Variants in MYOZ3 observed in about 807,000 individuals in gnomAD.
The protein encoded by MYOZ3 is myozenin 3.
MYOZ3 carries 19 observed loss-of-function variants against 26.5 expected under a neutral mutation model. The ratio of observed to expected loss-of-function variants is 0.72; its 90% CI spans 0.50 to 1.05. MYOZ3 has a LOEUF of 1.05. MYOZ3 is among the 50% of genes least tolerant of loss of function. The pLI, the probability that MYOZ3 is intolerant of heterozygous loss-of-function variation, is 0.00. For synonymous variants in MYOZ3, 135 were observed against 138.8 expected (o/e 0.97, Z 0.19); for missense variants, 322 against 337.1 (o/e 0.96, Z 0.35).
intron 2 of MYOZ3, 98 bp downstream of exon 2, chr5:150,663,100 C>G (rs1235856363): frequency 2.0e-6 from 2 of 1,006,022 alleles, no homozygotes; most frequent in Non-Finnish European, 2.9e-6. Flanking sequence ...CCTGGGCAGA[C>G]AGGTGTGAGC....
intron 3 of MYOZ3, 83 bp from the exon 4 acceptor site, chr5:150,671,514 A>G: frequency 1.4e-6 from 2 of 1,449,366 alleles, no homozygotes; most frequent in Non-Finnish European, 1.9e-6. Context: ...CCTCCCCCCG[A>G]CCTTTTTTTT....
intron 2 of MYOZ3, among the ~76,000 whole-genome samples, chr5:150,667,646 A>C (rs1758830141): frequency 1.3e-5 from 2 of 152,188 alleles, no homozygotes; most frequent in Admixed American, 6.5e-5. Flanking sequence ...ACAAACAAAC[A>C]AACCCCTCTT....
intron 5 of MYOZ3, 167 bp from the exon 6 acceptor site, chr5:150,672,173 A>AG (rs1758926413): frequency 1.8e-6 from 2 of 1,092,620 alleles, no homozygotes; most frequent in Admixed American, 4.0e-5. Context: ...TGGGATGGGG[A>AG]GGGGTCTCCT....
At chr5:150,661,464 G>C (rs541636109) in intron 1 of MYOZ3, 37 bp downstream of exon 1, 1 of 152,522 alleles carries the variant, frequency 6.6e-6, no homozygotes, top group South Asian at 2.1e-4. Flanking sequence ...GAACTCAGGG[G>C]AGTGGGCAGA....
At chr5:150,675,412 G>T (rs1461209753) in intron 6 of MYOZ3, among the ~76,000 whole-genome samples, 1 of 151,354 alleles carries the variant, frequency 6.6e-6, no homozygotes, top group Non-Finnish European at 1.5e-5. Flanking sequence ...TGCTTTTGTG[G>T]CCCAGGCTGC....
At chr5:150,669,645 T>G (rs866496078) in intron 2 of MYOZ3, among the ~76,000 whole-genome samples, 2 of 94,232 alleles carry the variant, frequency 2.1e-5, no homozygotes, top group Admixed American at 9.1e-5. Context: ...TTTTTTTTTT[T>G]TTTTTTTTTT....
Position 150,661,815 on chromosome 5 carries a change from CATTCTCA to C in MYOZ3, c.-2+391_-2+397del, listed in dbSNP as rs143386726. On this transcript the variant is annotated intron_variant, in intron 1 of 6. Coordinates refer to ENST00000517768, the MANE Select transcript of MYOZ3 (RefSeq NM_001122853.3). ...GAATCCTAAACGGTTGTGATCGAGG[CATTCTCA>C]ATCATCCCATGACCCTCACCCCAAA... Among the ~76,000 whole-genome samples the C allele has an allele frequency of 2.2e-3, 333 of 152,316 alleles. 1 individual carries two copies. Among genetic ancestry groups the C allele is most frequent in the African/African-American group, 7.9e-3 (327 of 41,558 alleles).
rs1349363134 is a variant in MYOZ3, at chr5:150,663,010, G to A, written c.61+8G>A. ...GGGACCTCACTGAACCAGGTAAGGT[G>A]GTTCTAGCCTCATGCCTTCCTCAGA... is the stretch of plus-strand genomic sequence containing the variant. On this transcript the variant is annotated splice_region_variant and intron_variant, in intron 2 of 6. Transcript: ENST00000517768. 6 of 1,602,702 alleles carry A rather than the reference G, an allele frequency of 3.7e-6. No individual in the cohort carries two copies. The African/African-American group carries it at 4.0e-5, about 11-fold the overall frequency.
chr5:150,673,146 T>C (rs1283257092), intron 6 of MYOZ3: 2 of 152,418 alleles, frequency 1.3e-5, no homozygotes, highest in Non-Finnish European at 2.9e-5. Flanking sequence ...TGGACTTGAA[T>C]GCAGACCCCA....
rs1759023064 is a variant in MYOZ3, at chr5:150,677,063, G to T, written c.*188G>T. ...TGTTTCAAAATTACCTGGGGATGTT[G>T]TTCCAAATCCAGACAACTGGACTGT... On this transcript the variant is annotated 3_prime_UTR_variant, in exon 7 of 7. Coordinates refer to ENST00000517768, the MANE Select transcript of MYOZ3 (RefSeq NM_001122853.3). 1 of 591,416 alleles carries T rather than the reference G, an allele frequency of 1.7e-6. No homozygotes were observed. Among genetic ancestry groups the T allele is most frequent in the Admixed American group, 3.0e-5 (1 of 33,362 alleles). The allele number at this position is 591,416 out of a possible 1,614,324, so 36.6% of individuals were successfully genotyped here.
chr5:150,670,796 A>G, intron 3 of MYOZ3, 158 bp downstream of exon 3: 1 of 548,788 alleles, frequency 1.8e-6, no homozygotes, highest in Non-Finnish European at 2.9e-6. Context: ...TTATCTTTTT[A>G]GGCATCTCTC....
intron 2 of MYOZ3, among the ~76,000 whole-genome samples, chr5:150,666,464 A>T (rs1331912065): frequency 6.6e-6 from 1 of 151,788 alleles, no homozygotes; most frequent in Admixed American, 6.6e-5. Context: ...AAATACAAAA[A>T]TTAGCCGTGC....
intron 6 of MYOZ3, among the ~76,000 whole-genome samples, chr5:150,673,781 G>A (rs1234017289): frequency 6.6e-6 from 1 of 152,202 alleles, no homozygotes; most frequent in African/African-American, 2.4e-5. Context: ...AAGGCCTTGG[G>A]CTGAGGAGTG....
chr5:150,667,605 C>G (rs114796020), intron 2 of MYOZ3, among the ~76,000 whole-genome samples: 1 of 151,598 alleles, frequency 6.6e-6, no homozygotes, highest in African/African-American at 2.4e-5. Context: ...CGTCAGTTAA[C>G]GCACATGCTG....
rs1399710668 is a variant in MYOZ3 at position 150,677,585 on chromosome 5, T to C, written c.*710T>C. On this transcript the variant is annotated 3_prime_UTR_variant, in exon 7 of 7. Transcript: ENST00000517768. ...TGACAGGGTGCTCACTGGCACCCCATCTTCCTGTGAATAACTCAAATAATT... is the reference window on the plus strand; with the variant it reads ...TGACAGGGTGCTCACTGGCACCCCACCTTCCTGTGAATAACTCAAATAATT... 2.6e-5 allele frequency: 4 copies of C among 152,376 alleles called. No homozygotes were observed. Among genetic ancestry groups the C allele is most frequent in the African/African-American group, 9.7e-5 (4 of 41,446 alleles). 9.4% of individuals were successfully genotyped at this position (152,376 alleles called of 1,614,324 possible).
intron 2 of MYOZ3, among the ~76,000 whole-genome samples, chr5:150,665,626 G>T (rs1325695619): frequency 6.6e-6 from 1 of 151,942 alleles, no homozygotes; most frequent in Non-Finnish European, 1.5e-5. Flanking sequence ...ACAGGGTCTT[G>T]CTATATTGCC....
chr5:150,664,502 A>G (rs1758779360), intron 2 of MYOZ3, among the ~76,000 whole-genome samples: 2 of 152,228 alleles, frequency 1.3e-5, no homozygotes, highest in African/African-American at 4.8e-5. Context: ...TAATCTCACT[A>G]CCTAAAGACG....
At chr5:150,664,077 T>C (rs1361673524) in intron 2 of MYOZ3, among the ~76,000 whole-genome samples, 1 of 152,068 alleles carries the variant, frequency 6.6e-6, no homozygotes, top group Admixed American at 6.5e-5. Context: ...AATGATTTGA[T>C]GTTGGTTAAG....
At chr5:150,663,121 C>T in intron 2 of MYOZ3, 119 bp downstream of exon 2, 1 of 785,716 alleles carries the variant, frequency 1.3e-6, no homozygotes, top group South Asian at 2.1e-5. Context: ...TCCAGGCCAG[C>T]TCTGAGGGAG....
Sources: gnomAD v4.1 joint callset for allele counts (sites outside exome capture counted in the v4.1 genomes callset) on GRCh38, gnomAD v4.1.1 for gene constraint, MANE v1.5 for transcripts, NCBI Gene and HGNC (gene_info 2026-07-23, HGNC 2026-07-21) for gene names.